PUS3: variants seen among roughly 807,000 people sequenced by gnomAD.
PUS3 encodes the protein tRNA pseudouridine(38/39) synthase.
A neutral mutation model predicts 43.3 loss-of-function variants in PUS3; 36 were observed. The ratio of observed to expected loss-of-function variants is 0.83; its 90% CI spans 0.64 to 1.10. PUS3 has a LOEUF of 1.10. Ranked by LOEUF, PUS3 falls within the 50% of genes least tolerant of loss-of-function variation. The pLI is 0.00. For synonymous variants in PUS3, 183 were observed against 199.2 expected, an observed-to-expected ratio of 0.92 and a Z score of 0.69; for missense variants, 544 against 589.9, an observed-to-expected ratio of 0.92 and a Z score of 0.81.
At chr11:125,895,810 A>G (rs750431749) in intron 2 of PUS3, 21 bp from the exon 3 acceptor site, 12 of 1,583,668 alleles carry the variant, frequency 7.6e-6, no homozygotes, top group African/African-American at 6.7e-5. Flanking sequence ...AGACAAAGAT[A>G]CTGGGTTTTA....
intron 1 of PUS3, chr11:125,899,402 G>T (rs1217452234): frequency 6.2e-7 from 1 of 1,614,206 alleles, no homozygotes; most frequent in Non-Finnish European, 8.5e-7. Context: ...ACAAATATGG[G>T]CTAATATGGA....
intron 1 of PUS3, chr11:125,900,316 T>G (rs1944732367): frequency 1.9e-6 from 3 of 1,554,260 alleles, no homozygotes; most frequent in Non-Finnish European, 2.7e-6. Context: ...ACCTAGCTCT[T>G]TATATCTTCC....
chr11:125,900,321 T>G, intron 1 of PUS3: 1 of 1,538,516 alleles, frequency 6.5e-7, no homozygotes, highest in Non-Finnish European at 9.0e-7. Flanking sequence ...GCTCTTTATA[T>G]CTTCCCTTTT....
intron 1 of PUS3, chr11:125,900,163 A>G: frequency 6.2e-7 from 1 of 1,614,226 alleles, no homozygotes; most frequent in Non-Finnish European, 8.5e-7. Flanking sequence ...ACAATTATCT[A>G]GTACCAACAG....
Position 125,900,597 on chromosome 11 carries a change from T to G in PUS3, c.-47+2573A>C, listed in dbSNP as rs117414825. The stretch of plus-strand genomic sequence containing the variant: ...AGTTGCTGTGCTTCAGTGTGTGTTT[T>G]TTAAGTTGCTGGGCATTACACTTAC... On this transcript the variant is annotated intron_variant, in intron 1 of 3. Coordinates refer to ENST00000227474, the MANE Select transcript of PUS3 (RefSeq NM_031307.4). 230 of 335,910 alleles carry G rather than the reference T, an allele frequency of 6.8e-4. 1 individual carries two copies. The East Asian group carries it at 0.018, about 26-fold the overall frequency. The allele number at this position is 335,910 out of a possible 1,614,324, so 20.8% of individuals were successfully genotyped here.
intron 1 of PUS3, among the ~76,000 whole-genome samples, chr11:125,902,052 C>T (rs1046389766): frequency 2.0e-5 from 3 of 152,152 alleles, no homozygotes; most frequent in African/African-American, 7.2e-5. Context: ...GTTCAACTCC[C>T]GTGCTAACTA....
intron 1 of PUS3, chr11:125,899,573 C>T (rs1944696605): frequency 6.2e-7 from 1 of 1,614,160 alleles, no homozygotes; most frequent in Non-Finnish European, 8.5e-7. Flanking sequence ...TGTGCAACTA[C>T]AGTACCCACA....
chr11:125,900,530 A>C lies in PUS3; in HGVS notation c.-47+2640T>G, dbSNP rs2236681. On this transcript the variant is annotated intron_variant, in intron 1 of 3. Coordinates refer to ENST00000227474, the MANE Select transcript of PUS3 (RefSeq NM_031307.4). Reference sequence around the variant, plus strand: ...GTCTTTCTATTTTGTCAAATTAGTAAGGGCCCTTTGTGTCCTGTAACTTTT... The same window carrying C: ...GTCTTTCTATTTTGTCAAATTAGTACGGGCCCTTTGTGTCCTGTAACTTTT... 103,034 of 467,036 alleles carry C rather than the reference A, an allele frequency of 0.22. 12,091 individuals are homozygous for C. Among genetic ancestry groups the C allele is most frequent in the Non-Finnish European group, 0.25 (62,748 of 248,338 alleles). 28.9% of individuals were successfully genotyped at this position (467,036 alleles called of 1,614,324 possible).
At chr11:125,900,186 C>T (rs768876154) in intron 1 of PUS3, 1 of 1,614,158 alleles carries the variant, frequency 6.2e-7, no homozygotes, top group South Asian at 1.1e-5. Context: ...AAGAAAAGGT[C>T]TGCACTCCGT....
At chr11:125,897,192 G>A (rs997395767) in intron 1 of PUS3, among the ~76,000 whole-genome samples, 25 of 152,130 alleles carry the variant, frequency 1.6e-4, no homozygotes, top group African/African-American at 6.0e-4. Context: ...CTAAGGCCAT[G>A]TTATCTAAGT....
intron 1 of PUS3, chr11:125,899,775 T>A: frequency 6.2e-7 from 1 of 1,614,238 alleles, no homozygotes; most frequent in Non-Finnish European, 8.5e-7. Context: ...CAAAGGCTGA[T>A]GAATGTACAG....
At position 125,895,801 on chromosome 11, in the gene PUS3, G is replaced by C; in HGVS notation, c.379-12C>G. 1 of 1,587,428 alleles carries C rather than the reference G, an allele frequency of 6.3e-7. No homozygotes were observed. Among genetic ancestry groups the C allele is most frequent in the Non-Finnish European group, 8.5e-7 (1 of 1,170,940 alleles). Reference sequence around the variant, plus strand: ...TCAAGTGAGATCACCTGTGGAGTTAGACAAAGATACTGGGTTTTAGAGACA... The same window carrying C: ...TCAAGTGAGATCACCTGTGGAGTTACACAAAGATACTGGGTTTTAGAGACA... On this transcript the variant is annotated splice_polypyrimidine_tract_variant and intron_variant, in intron 2 of 3. Transcript: ENST00000227474.
chr11:125,893,742 C>T lies in PUS3; in HGVS notation c.*43G>A. On this transcript the variant is annotated 3_prime_UTR_variant, in exon 4 of 4. Coordinates refer to ENST00000227474, the MANE Select transcript of PUS3 (RefSeq NM_031307.4). ...TTTTTTTTTTTTCCTTTTCTGTCCA[C>T]CTACCATTAGGTGGTTCCTAGATCC... 1.4e-6 allele frequency: 2 copies of T among 1,451,970 alleles called. No individual in the cohort carries two copies. The allele number at this position is 1,451,970 out of a possible 1,614,324, so 89.9% of individuals were successfully genotyped here.
At chr11:125,898,642 A>C (rs1294567462) in intron 1 of PUS3, among the ~76,000 whole-genome samples, 1 of 152,016 alleles carries the variant, frequency 6.6e-6, no homozygotes, top group Non-Finnish European at 1.5e-5. Flanking sequence ...ATGCCACTGC[A>C]CTCCAGCCTA....
Position 125,893,856 on chromosome 11 carries a change from C to T in PUS3, c.1375G>A (p.Glu459Lys), listed in dbSNP as rs781386285. 2 of 1,614,002 alleles carry T rather than the reference C, an allele frequency of 1.2e-6. No individual in the cohort carries two copies. The highest frequency in any genetic ancestry group is 4.5e-5 in the East Asian group (2 of 44,884). The change falls in exon 4 of 4, where the codon GAA (glutamate) becomes AAA (lysine). Residue 459 changes from glutamate (E) to lysine (K), a missense_variant. Transcript: ENST00000227474. ...GGTGTCTCCAAATTAGTATTCTCTTCCTCTAGTGTGTCATTACAGTCCCTT... is the reference window on the plus strand; with the variant it reads ...GGTGTCTCCAAATTAGTATTCTCTTTCTCTAGTGTGTCATTACAGTCCCTT... ...AKRDCNDTLE[E>K]ENTNLETPTK...
chr11:125,901,742 TCCA>T (rs897243563), intron 1 of PUS3, among the ~76,000 whole-genome samples: 1 of 152,176 alleles, frequency 6.6e-6, no homozygotes, highest in African/African-American at 2.4e-5. Context: ...CTGCAAACTG[TCCA>T]CCAACAGTGG....
In PUS3 at chr11:125,895,132, C is replaced by T. The variant is rs192533091; in HGVS notation, c.944+92G>A. 2.4e-4 allele frequency: 239 copies of T among 1,009,036 alleles called. No individual in the cohort carries two copies. The East Asian group carries it at 3.0e-3, about 13-fold the overall frequency. The allele number at this position is 1,009,036 out of a possible 1,614,324, so 62.5% of individuals were successfully genotyped here. A position where few individuals can be genotyped will look rare whatever the true frequency, so the allele number is the denominator to read the frequency against. ...TCCAATCTCAGCTCAGTGCAACCTC[C>T]GCCTCCTGGCTTCAAGCAATTCTTG... On this transcript the variant is annotated intron_variant, in intron 3 of 3. Coordinates refer to ENST00000227474, the MANE Select transcript of PUS3 (RefSeq NM_031307.4).
rs766378573 is a variant in PUS3 at position 125,895,718 on chromosome 11, C to T, written c.450G>A (p.Glu150=). The change falls in exon 3 of 4, where the codon GAG becomes GAA. Residue 150 remains glutamate (E), a synonymous_variant. Transcript: ENST00000227474. ...RDSEDFNVKE[E]ANAAAEEIRY... is the part of the protein sequence containing the mutation. ...GGATCTCTTCAGCAGCAGCATTAGC[C>T]TCCTCTTTTACATTAAAGTCCTCGG... 38 of 1,613,504 alleles carry T rather than the reference C, an allele frequency of 2.4e-5. No individual in the cohort carries two copies. The highest frequency in any genetic ancestry group is 3.1e-5 in the Non-Finnish European group (37 of 1,179,946).
chr11:125,900,386 C>T, intron 1 of PUS3: 2 of 935,592 alleles, frequency 2.1e-6, no homozygotes, highest in South Asian at 2.9e-5. Flanking sequence ...GTAAGGACTT[C>T]ACCTATCATT....
Sources: gnomAD v4.1 joint callset for allele counts (sites outside exome capture counted in the v4.1 genomes callset) on GRCh38, gnomAD v4.1.1 for gene constraint, MANE v1.5 for transcripts, NCBI Gene and HGNC (gene_info 2026-07-23, HGNC 2026-07-21) for gene names.